CNTNAP5: variants seen among roughly 807,000 people sequenced by gnomAD.
CNTNAP5 encodes the protein contactin-associated protein-like 5.
Under a neutral mutation model 150.2 loss-of-function variants are expected in CNTNAP5, and 72 were observed. The observed-to-expected ratio is 0.48, with a 90% CI of 0.40 to 0.58. The LOEUF (loss-of-function observed/expected upper bound fraction) is 0.58. Ranked by LOEUF, CNTNAP5 falls within the 20% of genes least tolerant of loss-of-function variation. The pLI, the probability that CNTNAP5 is intolerant of heterozygous loss-of-function variation, is 0.00. For missense variants in CNTNAP5, 1,636 were observed against 1,626.2 expected (o/e 1.01, Z -0.10); for synonymous variants, 672 against 619.8 (o/e 1.08, Z -1.25).
chr2:124,726,522 T>G (rs1186244376), intron 13 of CNTNAP5, among the ~76,000 whole-genome samples: 1 of 152,130 alleles, frequency 6.6e-6, no homozygotes, highest in Non-Finnish European at 1.5e-5. Context: ...CAATTAAATC[T>G]TTCTTTATAA....
chr2:124,300,186 A>G (rs1277003900), intron 3 of CNTNAP5, among the ~76,000 whole-genome samples: 3 of 152,200 alleles, frequency 2.0e-5, no homozygotes, highest in Non-Finnish European at 2.9e-5. Context: ...GAGAAAATCT[A>G]TGAGTATCCA....
At chr2:124,094,472 C>A (rs1682886687) in intron 1 of CNTNAP5, among the ~76,000 whole-genome samples, 1 of 152,134 alleles carries the variant, frequency 6.6e-6, no homozygotes, top group Non-Finnish European at 1.5e-5. Context: ...TTGCAAATGT[C>A]ATAGATTTGT....
intron 3 of CNTNAP5, among the ~76,000 whole-genome samples, chr2:124,361,910 C>G (rs957351089): frequency 6.6e-6 from 1 of 151,866 alleles, no homozygotes; most frequent in African/African-American, 2.4e-5. Context: ...CCCCCAGCCT[C>G]GCTGCCGCCT....
rs943207960 is a variant in CNTNAP5 at position 124,488,392 on chromosome 2, T to C, written c.1062+13510T>C. On this transcript the variant is annotated intron_variant, in intron 7 of 23. Coordinates refer to ENST00000682447, the MANE Select transcript of CNTNAP5 (RefSeq NM_001367498.1). ...GTGGATAGCTCTTTGTGGTTTCAGT[T>C]TGGGAAAAATGAGGTTCGGTAACAT... is the stretch of plus-strand genomic sequence containing the variant. 3.9e-4 allele frequency among the ~76,000 whole-genome samples: 59 copies of C among 152,260 alleles called. 1 individual carries two copies. Among genetic ancestry groups the C allele is most frequent in the African/African-American group, 1.3e-3 (52 of 41,550 alleles).
chr2:124,067,577 T>A (rs1295529546), intron 1 of CNTNAP5, among the ~76,000 whole-genome samples: 10 of 152,238 alleles, frequency 6.6e-5, no homozygotes, highest in African/African-American at 2.4e-4. Context: ...AAAGGTCCAT[T>A]TTGCCATAGG....
chr2:124,472,707 G>T (rs180952626), intron 6 of CNTNAP5, among the ~76,000 whole-genome samples: 3 of 151,752 alleles, frequency 2.0e-5, no homozygotes, highest in African/African-American at 7.2e-5. Context: ...ACATATAAAA[G>T]ATATGTTTAT....
chr2:124,609,935 G>T lies in CNTNAP5; in HGVS notation c.1876+15G>T. 1 of 1,606,542 alleles carries T rather than the reference G, an allele frequency of 6.2e-7. No individual in the cohort carries two copies. The highest frequency in any genetic ancestry group is 8.5e-7 in the Non-Finnish European group (1 of 1,174,008). On this transcript the variant is annotated intron_variant, in intron 12 of 23. Transcript: ENST00000682447. ...CAATATCACTGGTAAGGGTGCAGTA[G>T]CCCTACTCACACTTAACCACCCCAC...
intron 1 of CNTNAP5, among the ~76,000 whole-genome samples, chr2:124,209,743 T>C (rs1341088253): frequency 6.6e-6 from 1 of 152,102 alleles, no homozygotes; most frequent in Non-Finnish European, 1.5e-5. Flanking sequence ...TGCTACAACA[T>C]CTTCAAAATA....
chr2:124,366,719 A>G (rs1690381449), intron 3 of CNTNAP5, among the ~76,000 whole-genome samples: 1 of 152,182 alleles, frequency 6.6e-6, no homozygotes, highest in Non-Finnish European at 1.5e-5. Context: ...TTGGAGTCAT[A>G]CCTAAGACCT....
intron 3 of CNTNAP5, among the ~76,000 whole-genome samples, chr2:124,259,181 A>G (rs1475708090): frequency 1.3e-5 from 2 of 152,160 alleles, no homozygotes; most frequent in African/African-American, 2.4e-5. Context: ...TACAAAGGAC[A>G]TGAACTCATC....
intron 6 of CNTNAP5, among the ~76,000 whole-genome samples, chr2:124,454,368 A>G (rs1693063877): frequency 6.6e-6 from 1 of 152,200 alleles, no homozygotes; most frequent in African/African-American, 2.4e-5. Context: ...ATAAATATAT[A>G]TGCACCTAAC....
chr2:124,598,877 G>A (rs556280403), intron 11 of CNTNAP5, among the ~76,000 whole-genome samples: 10 of 152,230 alleles, frequency 6.6e-5, no homozygotes, highest in African/African-American at 9.6e-5. Flanking sequence ...TCTGAAAAGC[G>A]CAATATTCGG....
chr2:124,221,777 C>G lies in CNTNAP5; in HGVS notation c.155C>G (p.Thr52Ser), dbSNP rs1686325460. 2 of 1,610,726 alleles carry G rather than the reference C, an allele frequency of 1.2e-6. No individual in the cohort carries two copies. Among genetic ancestry groups the G allele is most frequent in the African/African-American group, 2.7e-5 (2 of 74,832 alleles). ...TCCAGTTCCTCAGACCTCACTGGCA[C>G]TCACAGCCCAGCTCAACTCAACTGG... Reference protein sequence around the residue: ...AFSSSSDLTGTHSPAQLNWRV... With the variant: ...AFSSSSDLTGSHSPAQLNWRV... Residue 52 changes from threonine to serine, a missense_variant, in exon 2 of 24, where the codon ACT (threonine) becomes AGT (serine). By Grantham distance (58) the Thr-to-Ser change is moderately conservative. Coordinates refer to ENST00000682447, the MANE Select transcript of CNTNAP5 (RefSeq NM_001367498.1).
intron 3 of CNTNAP5, among the ~76,000 whole-genome samples, chr2:124,296,269 G>C (rs1482042165): frequency 6.6e-6 from 1 of 152,152 alleles, no homozygotes; most frequent in East Asian, 1.9e-4. Flanking sequence ...GTCTGTGATT[G>C]GGTGGCCATT....
chr2:124,213,728 A>G (rs1007212283), intron 1 of CNTNAP5, among the ~76,000 whole-genome samples: 1 of 152,150 alleles, frequency 6.6e-6, no homozygotes, highest in Non-Finnish European at 1.5e-5. Flanking sequence ...GTCTGTTGTA[A>G]AAAAATATTT....
intron 1 of CNTNAP5, among the ~76,000 whole-genome samples, chr2:124,145,794 T>TAAAAAAAAAAAAAAATAAAAAAAAAA (rs759470861): frequency 3.4e-5 from 1 of 29,532 alleles, no homozygotes; most frequent in African/African-American, 1.1e-4. Context: ...TAAAGTATAA[T>TAAAAAAAAAAAAAAATAAAAAAAAAA]AAAAAAAAAA....
intron 3 of CNTNAP5, among the ~76,000 whole-genome samples, chr2:124,293,756 C>T (rs1317739682): frequency 1.3e-5 from 2 of 151,956 alleles, no homozygotes; most frequent in African/African-American, 4.8e-5. Flanking sequence ...GAGATAATCA[C>T]CATAATCCTC....
At chr2:124,175,369 G>A (rs976870520) in intron 1 of CNTNAP5, among the ~76,000 whole-genome samples, 4 of 152,038 alleles carry the variant, frequency 2.6e-5, no homozygotes, top group Admixed American at 6.5e-5. Flanking sequence ...ATTTTTAATG[G>A]CTTTTATACT....
At chr2:124,223,716 C>A (rs185071498) in intron 2 of CNTNAP5, among the ~76,000 whole-genome samples, 1 of 151,978 alleles carries the variant, frequency 6.6e-6, no homozygotes, top group East Asian at 2.0e-4. Flanking sequence ...TGAGTGAGGA[C>A]AAGTGTCTTT....
Sources: gnomAD v4.1 joint callset for allele counts (sites outside exome capture counted in the v4.1 genomes callset) on GRCh38, gnomAD v4.1.1 for gene constraint, MANE v1.5 for transcripts, NCBI Gene and HGNC (gene_info 2026-07-23, HGNC 2026-07-21) for gene names.